TSHZ2: variants seen among roughly 807,000 people sequenced by gnomAD.
TSHZ2 encodes the protein teashirt homolog 2.
A neutral mutation model predicts 74.4 loss-of-function variants in TSHZ2; 21 were observed. That is an observed-to-expected ratio of 0.28 (90% CI 0.20 to 0.41). TSHZ2 has a LOEUF of 0.41. Ranked by LOEUF, TSHZ2 falls within the 10% of genes least tolerant of loss-of-function variation. The pLI, the probability that TSHZ2 is intolerant of heterozygous loss-of-function variation, is 1.00. For missense variants in TSHZ2, 1,244 were observed against 1,293.5 expected (o/e 0.96, Z 0.59); for synonymous variants, 540 against 515.3 (o/e 1.05, Z -0.65).
intron 2 of TSHZ2, among the ~76,000 whole-genome samples, chr20:53,364,039 GA>G (rs1462192164): frequency 6.6e-6 from 1 of 152,138 alleles, no homozygotes; most frequent in Non-Finnish European, 1.5e-5. Flanking sequence ...ATACCTTTGA[GA>G]AAAAAAGAAA....
At chr20:53,136,756 C>T (rs980570935) in intron 1 of TSHZ2, among the ~76,000 whole-genome samples, 30 of 151,726 alleles carry the variant, frequency 2.0e-4, no homozygotes, top group African/African-American at 6.1e-4. Context: ...ATGCAAATTG[C>T]TTTACCCAAA....
chr20:53,159,897 T>C (rs1450929936), intron 1 of TSHZ2, among the ~76,000 whole-genome samples: 1 of 152,252 alleles, frequency 6.6e-6, no homozygotes, highest in Non-Finnish European at 1.5e-5. Flanking sequence ...TGAACATTGC[T>C]CACCTCTGGT....
At chr20:53,337,369 A>C (rs985638297) in intron 2 of TSHZ2, among the ~76,000 whole-genome samples, 5 of 152,242 alleles carry the variant, frequency 3.3e-5, no homozygotes, top group Non-Finnish European at 7.3e-5. Context: ...ACCAACCATC[A>C]CAAAGGGTGC....
intron 1 of TSHZ2, among the ~76,000 whole-genome samples, chr20:53,189,648 G>A (rs183770801): frequency 2.6e-5 from 4 of 152,216 alleles, no homozygotes; most frequent in African/African-American, 9.6e-5. Flanking sequence ...TAAGAGCCAC[G>A]TGAGCAGAGA....
chr20:53,104,109 C>T (rs1013733291), intron 1 of TSHZ2, among the ~76,000 whole-genome samples: 1 of 152,236 alleles, frequency 6.6e-6, no homozygotes, highest in Non-Finnish European at 1.5e-5. Flanking sequence ...TAAGACATCG[C>T]GCTCTGCAGA....
chr20:53,057,520 A>G (rs1984679913), intron 1 of TSHZ2, among the ~76,000 whole-genome samples: 2 of 152,160 alleles, frequency 1.3e-5, no homozygotes, highest in African/African-American at 4.8e-5. Flanking sequence ...TTAAGAAATC[A>G]TAATAATTCA....
intron 1 of TSHZ2, among the ~76,000 whole-genome samples, chr20:53,056,144 T>C (rs1984632780): frequency 6.6e-6 from 1 of 152,248 alleles, no homozygotes; most frequent in Admixed American, 6.5e-5. Context: ...GTACACAATA[T>C]ATTTTGGTTG....
intron 1 of TSHZ2, among the ~76,000 whole-genome samples, chr20:53,223,691 C>A (rs894236991): frequency 3.6e-4 from 55 of 152,288 alleles, no homozygotes; most frequent in African/African-American, 1.3e-3. Flanking sequence ...CCACTGCGCC[C>A]AGCCCCACTC....
At chr20:53,448,286 G>T (rs931365729) in intron 2 of TSHZ2, among the ~76,000 whole-genome samples, 2 of 152,160 alleles carry the variant, frequency 1.3e-5, no homozygotes, top group African/African-American at 2.4e-5. Context: ...ATAACTATGT[G>T]TAGGAAAACA....
intron 1 of TSHZ2, among the ~76,000 whole-genome samples, chr20:52,990,818 C>A (rs755734679): frequency 6.6e-6 from 1 of 152,100 alleles, no homozygotes; most frequent in Non-Finnish European, 1.5e-5. Flanking sequence ...CCATGTGGTA[C>A]AATATGCTTT....
intron 1 of TSHZ2, among the ~76,000 whole-genome samples, chr20:53,130,631 A>C (rs2123382241): frequency 6.6e-6 from 1 of 152,256 alleles, no homozygotes; most frequent in South Asian, 2.1e-4. Flanking sequence ...ATCTCAAAAA[A>C]TATATATATA....
intron 1 of TSHZ2, among the ~76,000 whole-genome samples, chr20:53,076,097 A>G (rs1001916108): frequency 6.6e-6 from 1 of 152,224 alleles, no homozygotes; most frequent in African/African-American, 2.4e-5. Context: ...AGAGTGGTCA[A>G]GGATTACTGA....
intron 2 of TSHZ2, among the ~76,000 whole-genome samples, chr20:53,331,887 T>A (rs535995508): frequency 6.6e-6 from 1 of 152,154 alleles, no homozygotes; most frequent in South Asian, 2.1e-4. Context: ...ATGTTTGGAA[T>A]CTGCAAATAG....
intron 2 of TSHZ2, among the ~76,000 whole-genome samples, chr20:53,407,552 A>G (rs759721313): frequency 6.6e-6 from 1 of 152,210 alleles, no homozygotes; most frequent in Non-Finnish European, 1.5e-5. Context: ...GAGGATCAGA[A>G]GCCACCTAAG....
chr20:53,307,408 C>G (rs913860515), intron 2 of TSHZ2, among the ~76,000 whole-genome samples: 3 of 152,146 alleles, frequency 2.0e-5, no homozygotes, highest in Admixed American at 6.5e-5. Flanking sequence ...TCAGGGGCAA[C>G]AGCACTGCAT....
At chr20:52,984,008 T>G (rs1270736622) in intron 1 of TSHZ2, among the ~76,000 whole-genome samples, 1 of 152,226 alleles carries the variant, frequency 6.6e-6, no homozygotes, top group Admixed American at 6.5e-5. Flanking sequence ...TGGTAACGCC[T>G]TCTTCACTTT....
At chr20:53,236,085 C>T (rs558943420) in intron 1 of TSHZ2, among the ~76,000 whole-genome samples, 5 of 152,350 alleles carry the variant, frequency 3.3e-5, no homozygotes, top group African/African-American at 1.2e-4. Context: ...AAAAGTCAAT[C>T]CTCTTAGCTC....
chr20:53,064,661 AT>A (rs1283167974), intron 1 of TSHZ2, among the ~76,000 whole-genome samples: 1 of 137,450 alleles, frequency 7.3e-6, no homozygotes, highest in African/African-American at 3.0e-5. Context: ...AACTTTTTAA[AT>A]AAATAAATAA....
At position 53,314,779 on chromosome 20, in the gene TSHZ2, G is replaced by A. The variant is rs889263480; in HGVS notation, c.*8+58208G>A. Among the ~76,000 whole-genome samples the A allele has an allele frequency of 1.1e-4, 16 of 151,972 alleles. No individual in the cohort carries two copies. In the East Asian group the frequency reaches 1.5e-3, roughly 15 times the overall value. On this transcript the variant is annotated intron_variant, in intron 2 of 2. Transcript: ENST00000371497. Reference sequence around the variant, plus strand: ...AGGGATTACAGGTGCCTGCCACCACGCCTGGCTAATTTTTGTATTTTTAGT... The same window carrying A: ...AGGGATTACAGGTGCCTGCCACCACACCTGGCTAATTTTTGTATTTTTAGT...
Sources: gnomAD v4.1 joint callset for allele counts (sites outside exome capture counted in the v4.1 genomes callset) on GRCh38, gnomAD v4.1.1 for gene constraint, MANE v1.5 for transcripts, NCBI Gene and HGNC (gene_info 2026-07-23, HGNC 2026-07-21) for gene names.